BCL2: variants seen among roughly 807,000 people sequenced by gnomAD.
BCL2 encodes BCL2 apoptosis regulator.
In BCL2, 1 loss-of-function variant was observed where a neutral mutation model predicts 14.2. The ratio of observed to expected loss-of-function variants is 0.07; its 90% CI spans 0.02 to 0.33. The LOEUF (loss-of-function observed/expected upper bound fraction) is 0.33, where lower values mean the gene tolerates loss of function less well. Among genes scored for constraint, BCL2 ranks in the 10% least tolerant of loss-of-function variants. The probability of loss-of-function intolerance (pLI) is 0.99; values close to 1 mark genes in which losing one functional copy is unlikely to be tolerated. For synonymous variants in BCL2, 151 were observed against 137.2 expected (o/e 1.10, Z -0.70); for missense variants, 247 against 305.9 (o/e 0.81, Z 1.44).
intron 2 of BCL2, among the ~76,000 whole-genome samples, chr18:63,258,942 C>A (rs970683488): frequency 9.2e-5 from 14 of 152,228 alleles, no homozygotes; most frequent in Non-Finnish European, 1.9e-4. Flanking sequence ...AAATGCAAAA[C>A]AATGCCTGAC....
chr18:63,317,002 A>G (rs183038079), intron 2 of BCL2: 1 of 152,286 alleles, frequency 6.6e-6, no homozygotes, highest in East Asian at 1.9e-4. Flanking sequence ...TATGAGATAT[A>G]GATCTCCATT....
intron 2 of BCL2, among the ~76,000 whole-genome samples, chr18:63,169,336 C>CTTT (rs1555697352): frequency 0.053 from 3,265 of 62,064 alleles, 474 homozygotes; most frequent in East Asian, 0.14. Flanking sequence ...TCCTTTCCTT[C>CTTT]CTTTCTTTCT....
In BCL2 at chr18:63,150,849, G is replaced by A. The variant is rs533866898; in HGVS notation, c.586-22090C>T. 3.3e-5 allele frequency among the ~76,000 whole-genome samples: 5 copies of A among 152,118 alleles called. No individual in the cohort carries two copies. In the South Asian group the frequency reaches 1.0e-3, roughly 32 times the overall value. ...GCTTAAGAATGAGTTATCAGGTTTG[G>A]GGGTGAGAAGGGGTATTAGGTCTCC... On this transcript the variant is annotated intron_variant, in intron 2 of 2. Transcript: ENST00000333681.
intron 2 of BCL2, among the ~76,000 whole-genome samples, chr18:63,219,407 T>A (rs1910317440): frequency 6.6e-6 from 1 of 152,064 alleles, no homozygotes; most frequent in African/African-American, 2.4e-5. Context: ...GGATCTTCTC[T>A]ATTTTTCTTT....
At chr18:63,155,150 C>T (rs1162740568) in intron 2 of BCL2, among the ~76,000 whole-genome samples, 2 of 152,202 alleles carry the variant, frequency 1.3e-5, no homozygotes, top group Non-Finnish European at 2.9e-5. Flanking sequence ...GACACGGGCT[C>T]ATGATGCCAA....
chr18:63,147,299 T>C (rs7245234), intron 2 of BCL2, among the ~76,000 whole-genome samples: 14,513 of 152,178 alleles, frequency 0.095, 1,462 homozygotes, highest in African/African-American at 0.26. Flanking sequence ...TGACATCACT[T>C]TTAGATTCTG....
intron 2 of BCL2, among the ~76,000 whole-genome samples, chr18:63,204,639 T>G (rs1447384073): frequency 6.6e-6 from 1 of 152,208 alleles, no homozygotes; most frequent in Non-Finnish European, 1.5e-5. Context: ...ATAAAAGGGT[T>G]GTTGTTTTAA....
intron 2 of BCL2, among the ~76,000 whole-genome samples, chr18:63,135,998 G>A (rs536367575): frequency 8.1e-4 from 123 of 151,966 alleles, no homozygotes; most frequent in African/African-American, 2.8e-3. Context: ...CTGATGCCCC[G>A]GACACCAAGA....
intron 2 of BCL2, among the ~76,000 whole-genome samples, chr18:63,246,319 G>C (rs759831258): frequency 2.0e-5 from 3 of 152,138 alleles, no homozygotes; most frequent in Non-Finnish European, 4.4e-5. Flanking sequence ...CAAAGAAACA[G>C]GTCCTGTGAA....
intron 2 of BCL2, among the ~76,000 whole-genome samples, chr18:63,136,816 C>T (rs1197194931): frequency 6.6e-6 from 1 of 152,212 alleles, no homozygotes; most frequent in Non-Finnish European, 1.5e-5. Context: ...CTGGCCATGT[C>T]ACAGGTGAAG....
chr18:63,174,650 T>C (rs1915306661), intron 2 of BCL2, among the ~76,000 whole-genome samples: 1 of 151,986 alleles, frequency 6.6e-6, no homozygotes, highest in East Asian at 1.9e-4. Flanking sequence ...TGAAACCCCG[T>C]CTCTACTAAA....
At chr18:63,174,101 T>C (rs1420725816) in intron 2 of BCL2, among the ~76,000 whole-genome samples, 1 of 152,228 alleles carries the variant, frequency 6.6e-6, no homozygotes, top group East Asian at 1.9e-4. Flanking sequence ...TATAATACTA[T>C]ATGTATATAT....
chr18:63,124,844 C>T lies in BCL2; in HGVS notation c.*3781G>A, dbSNP rs4987863. On this transcript the variant is annotated 3_prime_UTR_variant, in exon 3 of 3. Transcript: ENST00000333681. ...TCCTTAGAATGGCTTGTATTTCGAG[C>T]CTTTCCTGTTTTTCTCTGATAGAGT... 2 of 227,948 alleles carry T rather than the reference C, an allele frequency of 8.8e-6. No individual in the cohort carries two copies. Among genetic ancestry groups the T allele is most frequent in the African/African-American group, 4.4e-5 (2 of 45,032 alleles). The allele number at this position is 227,948 out of a possible 1,614,324, so 14.1% of individuals were successfully genotyped here. A position where few individuals can be genotyped will look rare whatever the true frequency, so the allele number is the denominator to read the frequency against.
intron 2 of BCL2, among the ~76,000 whole-genome samples, chr18:63,247,918 A>G (rs1339316749): frequency 6.6e-6 from 1 of 152,222 alleles, no homozygotes; most frequent in East Asian, 1.9e-4. Flanking sequence ...CATCTGCTTT[A>G]GCAAGGAAAA....
Position 63,318,753 on chromosome 18 carries a change from T to A in BCL2, c.-87A>T. The A allele has an allele frequency of 6.4e-6, 10 of 1,563,886 alleles. No homozygotes were observed. Among genetic ancestry groups the A allele is most frequent in the Non-Finnish European group, 8.6e-6 (10 of 1,157,306 alleles). On this transcript the variant is annotated 5_prime_UTR_variant, in exon 2 of 3. Coordinates refer to ENST00000333681, the MANE Select transcript of BCL2 (RefSeq NM_000633.3). The surrounding 1 kb of genome is among the most constrained non-coding windows in gnomAD (Gnocchi z 7.4). ...GCCCCCAGAGAAAGAAGAGGAGTTA[T>A]AATCCAGCTATTTTATTGGATGTGC...
At chr18:63,191,059 T>C (rs1909277682) in intron 2 of BCL2, among the ~76,000 whole-genome samples, 1 of 152,246 alleles carries the variant, frequency 6.6e-6, no homozygotes, top group African/African-American at 2.4e-5. Flanking sequence ...TGCATAGTAT[T>C]CCATGATGTA....
intron 2 of BCL2, among the ~76,000 whole-genome samples, chr18:63,256,768 C>T (rs545019070): frequency 4.2e-4 from 64 of 152,214 alleles, no homozygotes; most frequent in Non-Finnish European, 8.7e-4. Flanking sequence ...CAAAGCCTGC[C>T]CCCTTCTCCT....
intron 2 of BCL2, among the ~76,000 whole-genome samples, chr18:63,278,737 C>T (rs919836973): frequency 1.3e-5 from 2 of 152,166 alleles, no homozygotes; most frequent in African/African-American, 4.8e-5. Flanking sequence ...TGAATAAAGT[C>T]TTCTCTGCCA....
intron 2 of BCL2, among the ~76,000 whole-genome samples, chr18:63,216,867 A>G (rs1057289878): frequency 6.6e-6 from 1 of 152,230 alleles, no homozygotes; most frequent in Non-Finnish European, 1.5e-5. Context: ...GTTAGGATAA[A>G]TTAATTTAAA....
Sources: gnomAD v4.1 joint callset for allele counts (sites outside exome capture counted in the v4.1 genomes callset) on GRCh38, gnomAD v4.1.1 for gene constraint, Gnocchi (gnomAD v3.1) non-coding constraint, MANE v1.5 for transcripts, NCBI Gene and HGNC (gene_info 2026-07-23, HGNC 2026-07-21) for gene names.